RGS22: variants seen among roughly 807,000 people sequenced by gnomAD.
RGS22 encodes regulator of G protein signaling 22.
A neutral mutation model predicts 172.9 loss-of-function variants in RGS22; 148 were observed. The observed-to-expected ratio is 0.86, with a 90% CI of 0.75 to 0.98. The LOEUF is 0.98. Ranked by LOEUF, RGS22 falls within the 50% of genes least tolerant of loss-of-function variation. The pLI is 0.00. For synonymous variants in RGS22, 458 were observed against 480.2 expected, an observed-to-expected ratio of 0.95 and a Z score of 0.60; for missense variants, 1,347 against 1,440.8, an observed-to-expected ratio of 0.93 and a Z score of 1.05.
chr8:100,019,651 G>A (rs748995411), intron 14 of RGS22, among the ~76,000 whole-genome samples: 58 of 152,070 alleles, frequency 3.8e-4, no homozygotes, highest in Non-Finnish European at 2.8e-4. Context: ...TTCCAATATC[G>A]TATTCCAGAG....
At chr8:100,092,686 T>A (rs778323226) in intron 3 of RGS22, among the ~76,000 whole-genome samples, 1 of 152,194 alleles carries the variant, frequency 6.6e-6, no homozygotes, top group African/African-American at 2.4e-5. Flanking sequence ...CTTCCAGAAC[T>A]GTGAGCCAAA....
chr8:100,080,549 A>T, intron 3 of RGS22, 194 bp from the exon 4 acceptor site: 1 of 553,122 alleles, frequency 1.8e-6, no homozygotes, highest in Non-Finnish European at 3.2e-6. Flanking sequence ...CTTCCTTGCC[A>T]ATGCACTTAT....
chr8:100,066,402 T>C, intron 6 of RGS22, 106 bp from the exon 7 acceptor site: 1 of 830,400 alleles, frequency 1.2e-6, no homozygotes, highest in Non-Finnish European at 1.8e-6. Context: ...CAGTACAATA[T>C]GTAAAGTGAA....
At chr8:100,019,172 T>C (rs542730383) in intron 14 of RGS22, among the ~76,000 whole-genome samples, 1 of 152,334 alleles carries the variant, frequency 6.6e-6, no homozygotes, top group East Asian at 1.9e-4. Context: ...ATCTTTTCCA[T>C]AAGTAGGGGC....
intron 14 of RGS22, among the ~76,000 whole-genome samples, chr8:100,033,539 CA>C (rs71572052): frequency 9.9e-4 from 137 of 138,852 alleles, no homozygotes; most frequent in Middle Eastern, 3.8e-3. Flanking sequence ...GCCTACCAAC[CA>C]AAAAAAAAAA....
Position 100,041,972 on chromosome 8 carries a change from A to G in RGS22, c.1824-56T>C, listed in dbSNP as rs1461634979. The G allele has an allele frequency of 6.9e-6, 8 of 1,153,002 alleles. No individual in the cohort carries two copies. In the East Asian group the frequency reaches 1.9e-4, roughly 28 times the overall value. The allele number at this position is 1,153,002 out of a possible 1,614,324, so 71.4% of individuals were successfully genotyped here. ...AAGAATGAGAACTAACTGATCAACA[A>G]ACAAATTTTGAGCACTTTTGGTATA... is the stretch of plus-strand genomic sequence containing the variant. On this transcript the variant is annotated intron_variant, in intron 11 of 27. Transcript: ENST00000360863.
chr8:100,038,173 A>C (rs1429096271), intron 14 of RGS22, among the ~76,000 whole-genome samples: 2 of 152,210 alleles, frequency 1.3e-5, no homozygotes, highest in Non-Finnish European at 2.9e-5. Flanking sequence ...GCACTTTTCT[A>C]GGCTTGGAGA....
At chr8:100,089,462 G>T (rs1380612631) in intron 3 of RGS22, among the ~76,000 whole-genome samples, 1 of 152,036 alleles carries the variant, frequency 6.6e-6, no homozygotes, top group Non-Finnish European at 1.5e-5. Flanking sequence ...ATTTGAAAGG[G>T]ACTACTCCAT....
intron 9 of RGS22, 147 bp from the exon 10 acceptor site, chr8:100,053,123 T>C (rs1821859681): frequency 2.8e-6 from 2 of 703,434 alleles, no homozygotes; most frequent in Admixed American, 3.0e-5. Context: ...CTCTACTACA[T>C]AGCCTTGAAA....
rs1810296853 is a variant in RGS22, at chr8:100,063,405, A to C, written c.1352+11T>G. The C allele has an allele frequency of 1.3e-6, 2 of 1,499,754 alleles. No individual in the cohort carries two copies. The highest frequency in any genetic ancestry group is 2.3e-5 in the Admixed American group (1 of 43,394). 92.9% of individuals were successfully genotyped at this position (1,499,754 alleles called of 1,614,324 possible). A position where few individuals can be genotyped will look rare whatever the true frequency, so the allele number is the denominator to read the frequency against. On this transcript the variant is annotated intron_variant, in intron 8 of 27. Coordinates refer to ENST00000360863, the MANE Select transcript of RGS22 (RefSeq NM_015668.5). ...TTTTAAAACTATTGAAAAATAAAAA[A>C]ATAGAATTACCTTTGATGTCTTCCA...
intron 8 of RGS22, 73 bp from the exon 9 acceptor site, chr8:100,062,825 T>TTC: frequency 8.3e-7 from 1 of 1,204,812 alleles, no homozygotes; most frequent in East Asian, 2.4e-5. Flanking sequence ...TGTAGTTGAA[T>TTC]ATTCAGGAGA....
chr8:100,045,178 G>A (rs1563660599), intron 11 of RGS22, among the ~76,000 whole-genome samples: 2 of 151,930 alleles, frequency 1.3e-5, no homozygotes, highest in African/African-American at 4.8e-5. Context: ...GGAGGCTGAG[G>A]TGGGAGGATC....
chr8:100,008,043 A>ATT (rs986333053), intron 15 of RGS22, among the ~76,000 whole-genome samples: 1 of 144,484 alleles, frequency 6.9e-6, no homozygotes, highest in Non-Finnish European at 1.5e-5. Context: ...TTATTTTTTA[A>ATT]TTTTTTTTTT....
At chr8:100,007,829 G>A (rs554778959) in intron 15 of RGS22, among the ~76,000 whole-genome samples, 56 of 150,676 alleles carry the variant, frequency 3.7e-4, no homozygotes, top group Admixed American at 7.9e-4. Flanking sequence ...CAGCCTGGGT[G>A]ACAGAGCGAG....
In RGS22 at chr8:99,965,427, C is replaced by A. The variant is rs187452253; in HGVS notation, c.3523G>T (p.Gly1175Ter). The A allele has an allele frequency of 1.3e-6, 2 of 1,596,804 alleles. No individual in the cohort carries two copies. The highest frequency in any genetic ancestry group is 8.6e-7 in the Non-Finnish European group (1 of 1,166,260). The change falls in exon 24 of 28, where the codon GGA becomes TGA. Residue 1175 changes from glycine to a stop codon, truncating the protein, a stop_gained. Coordinates refer to ENST00000360863, the MANE Select transcript of RGS22 (RefSeq NM_015668.5). LOFTEE classifies it high-confidence loss of function. Reference sequence around the variant, plus strand: ...GAAGTATTTGCATATTGTTTGATTCCATCCTGTAATTATATTAAATTAAAT... The same window carrying A: ...GAAGTATTTGCATATTGTTTGATTCAATCCTGTAATTATATTAAATTAAAT... Reference protein sequence around the residue: ...VLEDEKSGKDGIKQYANTSVP... With the variant: ...VLEDEKSGKD
chr8:100,023,761 G>C (rs1257603439), intron 14 of RGS22, among the ~76,000 whole-genome samples: 1 of 152,040 alleles, frequency 6.6e-6, no homozygotes, highest in Non-Finnish European at 1.5e-5. Flanking sequence ...ACATGTGCTG[G>C]CATCTTCATT....
At chr8:100,105,794 G>T in intron 1 of RGS22, 103 bp downstream of exon 1, 2 of 1,014,630 alleles carry the variant, frequency 2.0e-6, no homozygotes, top group South Asian at 1.6e-5. Context: ...GTCTGGGAGC[G>T]GGGATACCGC....
rs1300267245 is a variant in RGS22 at position 100,051,895 on chromosome 8, GTTTATATA to G, written c.1689+899_1689+906del. On this transcript the variant is annotated intron_variant, in intron 10 of 27. Transcript: ENST00000360863. ...TATATTTATATATTTATATATAAAT[GTTTATATA>G]TTTATATATTTATATATAAATGTTT... Among the ~76,000 whole-genome samples the G allele has an allele frequency of 4.3e-3, 160 of 36,956 alleles. 31 individuals carry two copies. Among genetic ancestry groups the G allele is most frequent in the Admixed American group, 3.6e-3 (6 of 1,668 alleles). The allele number at this position is 36,956 out of a possible 152,430, so 24.2% of individuals were successfully genotyped here.
intron 23 of RGS22, among the ~76,000 whole-genome samples, chr8:99,966,789 T>C (rs1238746210): frequency 6.6e-6 from 1 of 152,234 alleles, no homozygotes; most frequent in East Asian, 1.9e-4. Flanking sequence ...TACCAACTAC[T>C]TTTCATTTCT....
Sources: allele counts gnomAD v4.1 joint callset (sites outside exome capture counted in the v4.1 genomes callset), GRCh38; gene constraint gnomAD v4.1.1; transcripts MANE v1.5; gene names NCBI Gene and HGNC (gene_info 2026-07-23, HGNC 2026-07-21).